ZDHHC17: variants seen among roughly 807,000 people sequenced by gnomAD.
ZDHHC17 encodes the protein palmitoyltransferase ZDHHC17.
A neutral mutation model predicts 90.3 loss-of-function variants in ZDHHC17; 40 were observed. The ratio of observed to expected loss-of-function variants is 0.44; its 90% CI spans 0.34 to 0.58. The LOEUF (loss-of-function observed/expected upper bound fraction) is 0.58. Among genes scored for constraint, ZDHHC17 ranks in the 20% least tolerant of loss-of-function variants. ZDHHC17 has a pLI of 0.01. For synonymous variants in ZDHHC17, 235 were observed against 252.4 expected (o/e 0.93, Z 0.65); for missense variants, 614 against 780.8 (o/e 0.79, Z 2.55).
chr12:76,810,583 T>C (rs1267720139), intron 5 of ZDHHC17, among the ~76,000 whole-genome samples: 4 of 152,216 alleles, frequency 2.6e-5, no homozygotes, highest in Non-Finnish European at 5.9e-5. Context: ...AGAATTTGAA[T>C]ACTATTTCTT....
chr12:76,812,434 C>G (rs891700475), intron 5 of ZDHHC17, among the ~76,000 whole-genome samples: 6 of 152,234 alleles, frequency 3.9e-5, no homozygotes, highest in African/African-American at 1.2e-4. Flanking sequence ...CTCTCTCTCT[C>G]TTCAGTCAGA....
chr12:76,808,486 CA>C (rs1010372021), intron 3 of ZDHHC17, among the ~76,000 whole-genome samples: 5 of 151,864 alleles, frequency 3.3e-5, no homozygotes, highest in Non-Finnish European at 7.4e-5. Flanking sequence ...CCCCCTCTCT[CA>C]AAAAAAGATA....
Position 76,849,485 on chromosome 12 carries a change from A to G in ZDHHC17, c.1760+15A>G, listed in dbSNP as rs899915649. ...AGCCCATTCAAGTATGTACATATTT[A>G]TAAATTTAATATTTTACCTGGTCAT... On this transcript the variant is annotated intron_variant, in intron 16 of 16. Transcript: ENST00000426126. The G allele has an allele frequency of 3.5e-5, 52 of 1,468,306 alleles. No homozygotes were observed. Among genetic ancestry groups the G allele is most frequent in the Non-Finnish European group, 4.3e-5 (47 of 1,092,852 alleles). 91.0% of individuals were successfully genotyped at this position (1,468,306 alleles called of 1,614,324 possible). A position where few individuals can be genotyped will look rare whatever the true frequency, so the allele number is the denominator to read the frequency against.
At chr12:76,805,510 G>A in intron 3 of ZDHHC17, 71 bp downstream of exon 3, 2 of 1,256,202 alleles carry the variant, frequency 1.6e-6, no homozygotes, top group South Asian at 3.0e-5. Context: ...AGAAGTAATT[G>A]TTATAAAAAC....
rs764332290 is a variant in ZDHHC17 at position 76,848,303 on chromosome 12, G to A, written c.1578G>A (p.Thr526=). 13 of 1,613,800 alleles carry A rather than the reference G, an allele frequency of 8.1e-6. No individual in the cohort carries two copies. The highest frequency in any genetic ancestry group is 1.1e-5 in the Non-Finnish European group (13 of 1,179,872). The change falls in exon 15 of 17, where the codon ACG becomes ACA. Residue 526 remains threonine, a synonymous_variant. Transcript: ENST00000426126. ...GGACATACATTACTCAGATTGCCAC[G>A]TGTTCACCTTGGATGTTTTGGATGT... ...GFWTYITQIA[T]CSPWMFWMFL... is the part of the protein sequence containing the mutation.
chr12:76,787,648 T>C lies in ZDHHC17; in HGVS notation c.94-9786T>C, dbSNP rs1362607388. ...TCTCTCTCTCTCTCTCTCTGTCTCTTGTGTGTGTGTGCGCGCGCAGGAGAG... is the reference window on the plus strand; with the variant it reads ...TCTCTCTCTCTCTCTCTCTGTCTCTCGTGTGTGTGTGCGCGCGCAGGAGAG... On this transcript the variant is annotated intron_variant, in intron 1 of 16. Transcript: ENST00000426126. Among the ~76,000 whole-genome samples the C allele has an allele frequency of 3.4e-5, 5 of 148,378 alleles. No homozygotes were observed. In the East Asian group the frequency reaches 7.8e-4, roughly 23 times the overall value.
chr12:76,805,970 A>G (rs1240210187), intron 3 of ZDHHC17, among the ~76,000 whole-genome samples: 2 of 152,222 alleles, frequency 1.3e-5, no homozygotes, highest in African/African-American at 4.8e-5. Flanking sequence ...TTTATCCATC[A>G]CTGTTAATGT....
intron 5 of ZDHHC17, chr12:76,813,292 CAT>C (rs201444139): frequency 0.012 from 4,985 of 433,062 alleles, 36 homozygotes; most frequent in Non-Finnish European, 0.017. Context: ...CTTCAGAAAA[CAT>C]ATTTTTTTTA....
chr12:76,846,781 T>A (rs1953500490), intron 14 of ZDHHC17, 102 bp downstream of exon 14: 5 of 1,054,738 alleles, frequency 4.7e-6, no homozygotes, highest in Non-Finnish European at 6.9e-6. Context: ...GTCGTTTAAC[T>A]AAAATTATGG....
At chr12:76,816,162 A>G in intron 7 of ZDHHC17, 143 bp downstream of exon 7, 1 of 537,528 alleles carries the variant, frequency 1.9e-6, no homozygotes, top group Non-Finnish European at 3.0e-6. Context: ...TATGCATAAT[A>G]CATTTTAATA....
chr12:76,809,534 A>G (rs1433838127), intron 4 of ZDHHC17, among the ~76,000 whole-genome samples, 179 bp from the exon 5 acceptor site: 2 of 152,176 alleles, frequency 1.3e-5, no homozygotes, highest in African/African-American at 4.8e-5. Context: ...CTGTTAATCT[A>G]GTTAAGACTT....
intron 2 of ZDHHC17, among the ~76,000 whole-genome samples, chr12:76,803,259 GA>G (rs974038173): frequency 2.7e-5 from 4 of 148,388 alleles, no homozygotes; most frequent in African/African-American, 4.9e-5. Context: ...TCTCAAAAAA[GA>G]AAAAAAAAAT....
chr12:76,817,743 T>C (rs890862395), intron 7 of ZDHHC17, among the ~76,000 whole-genome samples: 4 of 152,110 alleles, frequency 2.6e-5, no homozygotes, highest in Non-Finnish European at 4.4e-5. Flanking sequence ...AAATTACTCT[T>C]AGTAAAAGGA....
At chr12:76,765,429 AAT>A (rs1167515531) in intron 1 of ZDHHC17, among the ~76,000 whole-genome samples, 4 of 152,200 alleles carry the variant, frequency 2.6e-5, no homozygotes, top group Non-Finnish European at 4.4e-5. Flanking sequence ...GTTCCTTCGG[AAT>A]ATATACCTGT....
At chr12:76,836,523 C>T (rs1953365359) in intron 10 of ZDHHC17, among the ~76,000 whole-genome samples, 1 of 151,960 alleles carries the variant, frequency 6.6e-6, no homozygotes, top group South Asian at 2.1e-4. Flanking sequence ...TTAATCCTTT[C>T]TATTTTCACT....
chr12:76,807,702 T>C (rs980926765), intron 3 of ZDHHC17, among the ~76,000 whole-genome samples: 1 of 152,206 alleles, frequency 6.6e-6, no homozygotes, highest in Non-Finnish European at 1.5e-5. Context: ...AATTGCTCAC[T>C]GACATGGACC....
chr12:76,845,946 A>C, intron 13 of ZDHHC17, 144 bp downstream of exon 13: 1 of 460,676 alleles, frequency 2.2e-6, no homozygotes, highest in Non-Finnish European at 3.9e-6. Context: ...CAACACAGCA[A>C]CTCAGTTGAG....
Position 76,767,189 on chromosome 12 carries a change from TATTTTG to T in ZDHHC17, c.93+2861_93+2866del, listed in dbSNP as rs200436702. ...AGAAGAAAGGGAAGTGTTACACATT[TATTTTG>T]GTTTTGGTGACTGATTTAAAACTTA... On this transcript the variant is annotated intron_variant, in intron 1 of 16. Coordinates refer to ENST00000426126, the MANE Select transcript of ZDHHC17 (RefSeq NM_015336.4). Among the ~76,000 whole-genome samples the T allele has an allele frequency of 2.5e-4, 38 of 152,328 alleles. No homozygotes were observed. In the East Asian group the frequency reaches 7.3e-3, roughly 29 times the overall value.
chr12:76,820,524 T>A (rs1447008187), intron 7 of ZDHHC17, among the ~76,000 whole-genome samples: 1 of 152,198 alleles, frequency 6.6e-6, no homozygotes, highest in Non-Finnish European at 1.5e-5. Flanking sequence ...ATCTTTTCTT[T>A]CTAAAATTAT....
Sources: allele counts gnomAD v4.1 joint callset (sites outside exome capture counted in the v4.1 genomes callset), GRCh38; gene constraint gnomAD v4.1.1; transcripts MANE v1.5; gene names NCBI Gene and HGNC (gene_info 2026-07-23, HGNC 2026-07-21).